UMAD1: variants seen among roughly 807,000 people sequenced by gnomAD.
The protein encoded by UMAD1 is UBAP1-MVB12-associated (UMA) domain containing 1.
UMAD1 carries 8 observed loss-of-function variants against 6.1 expected under a neutral mutation model. That is an observed-to-expected ratio of 1.30 (90% CI 0.76 to 2.35). UMAD1 has a LOEUF of 2.35. Ranked by LOEUF, UMAD1 falls within the 30% of genes most tolerant of loss-of-function variation. The pLI is 0.00. For missense variants in UMAD1, 130 were observed against 78.4 expected (o/e 1.66, Z -2.49); for synonymous variants, 56 against 31.4 (o/e 1.78, Z -2.61).
intron 2 of UMAD1, among the ~76,000 whole-genome samples, chr7:7,779,096 A>G (rs1016732441): frequency 6.6e-6 from 1 of 152,110 alleles, no homozygotes; most frequent in Non-Finnish European, 1.5e-5. Context: ...CACCATTTCT[A>G]TCTCTATATT....
intron 2 of UMAD1, among the ~76,000 whole-genome samples, chr7:7,678,612 TA>T (rs1779817929): frequency 7.5e-6 from 1 of 133,348 alleles, no homozygotes; most frequent in Admixed American, 7.8e-5. Flanking sequence ...TATAGATAAA[TA>T]TATATTTATA....
intron 2 of UMAD1, among the ~76,000 whole-genome samples, chr7:7,778,004 T>C (rs753554098): frequency 6.6e-6 from 1 of 152,222 alleles, no homozygotes; most frequent in Non-Finnish European, 1.5e-5. Context: ...CTGTTTATCC[T>C]TCCCAAGTGG....
intron 1 of UMAD1, chr7:7,641,533 T>A (rs1444777025): frequency 6.6e-6 from 1 of 152,246 alleles, no homozygotes; most frequent in East Asian, 1.9e-4. Context: ...CTTTCTGTCG[T>A]TGCCCTCCAC....
chr7:7,727,742 G>A (rs1228430858), intron 2 of UMAD1, among the ~76,000 whole-genome samples: 1 of 152,142 alleles, frequency 6.6e-6, no homozygotes, highest in Non-Finnish European at 1.5e-5. Context: ...TCTTTCTCCC[G>A]TGCTGGATGC....
intron 3 of UMAD1, among the ~76,000 whole-genome samples, chr7:7,845,734 GC>G (rs1033100063): frequency 6.6e-6 from 1 of 152,034 alleles, no homozygotes; most frequent in African/African-American, 2.4e-5. Flanking sequence ...AACCGTTATG[GC>G]AGCAGAAATA....
At chr7:7,647,937 A>G (rs150937492) in intron 1 of UMAD1, among the ~76,000 whole-genome samples, 1 of 152,204 alleles carries the variant, frequency 6.6e-6, no homozygotes, top group Non-Finnish European at 1.5e-5. Flanking sequence ...GTTGTTTGCT[A>G]CTATTATAGA....
intron 3 of UMAD1, among the ~76,000 whole-genome samples, chr7:7,813,255 G>A (rs1345744315): frequency 2.6e-5 from 4 of 151,966 alleles, no homozygotes; most frequent in African/African-American, 9.7e-5. Context: ...TCGCTCTGTC[G>A]CCCAGGCTGG....
intron 2 of UMAD1, among the ~76,000 whole-genome samples, chr7:7,778,269 T>TGAGAGAGA (rs1356098717): frequency 1.8e-5 from 2 of 111,684 alleles, no homozygotes; most frequent in South Asian, 2.9e-4. Context: ...TGTGTGTGTG[T>TGAGAGAGA]GTGTGTGAGA....
chr7:7,654,227 G>C (rs1785290734), intron 1 of UMAD1, among the ~76,000 whole-genome samples: 3 of 152,106 alleles, frequency 2.0e-5, no homozygotes, highest in African/African-American at 2.4e-5. Flanking sequence ...ATACTTTGAG[G>C]CTCAAATTTA....
At chr7:7,831,807 G>A (rs910692643) in intron 3 of UMAD1, among the ~76,000 whole-genome samples, 7 of 152,166 alleles carry the variant, frequency 4.6e-5, no homozygotes, top group African/African-American at 1.7e-4. Flanking sequence ...TTATAAGCAT[G>A]TGGTATTATT....
intron 2 of UMAD1, chr7:7,742,146 T>C (rs1781482662): frequency 4.6e-6 from 3 of 645,440 alleles, no homozygotes; most frequent in Admixed American, 1.8e-5. Flanking sequence ...CAGTTGAATA[T>C]ATGCCTTCTC....
intron 3 of UMAD1, among the ~76,000 whole-genome samples, chr7:7,870,461 T>G (rs937046517): frequency 1.3e-5 from 2 of 152,220 alleles, no homozygotes; most frequent in African/African-American, 4.8e-5. Context: ...ATTGAGTCTT[T>G]TCTTCTTGCT....
chr7:7,698,310 T>A (rs955408804), intron 2 of UMAD1, among the ~76,000 whole-genome samples: 5 of 152,122 alleles, frequency 3.3e-5, no homozygotes, highest in South Asian at 2.1e-4. Context: ...CTAGAGAAAA[T>A]TTTTTTAGTG....
intron 2 of UMAD1, among the ~76,000 whole-genome samples, chr7:7,727,964 T>G (rs925213530): frequency 1.3e-5 from 2 of 151,350 alleles, no homozygotes; most frequent in Non-Finnish European, 3.0e-5. Flanking sequence ...CTTAATAAAC[T>G]CTTTATATAT....
At chr7:7,787,832 A>G (rs1244503817) in intron 2 of UMAD1, among the ~76,000 whole-genome samples, 2 of 152,230 alleles carry the variant, frequency 1.3e-5, no homozygotes, top group Admixed American at 6.5e-5. Flanking sequence ...TTATGATTGT[A>G]GATCTCTCCT....
intron 1 of UMAD1, among the ~76,000 whole-genome samples, chr7:7,659,342 G>A (rs1785419654): frequency 6.6e-6 from 1 of 151,944 alleles, no homozygotes; most frequent in Admixed American, 6.6e-5. Context: ...CTTGTCTTCT[G>A]CTAGCTTTTG....
At chr7:7,868,481 G>A (rs1273317999) in intron 3 of UMAD1, 1 of 151,684 alleles carries the variant, frequency 6.6e-6, no homozygotes, top group Non-Finnish European at 1.5e-5. Context: ...GAAGTCGGGA[G>A]AACATTTTTT....
intron 2 of UMAD1, among the ~76,000 whole-genome samples, chr7:7,686,917 A>G (rs1759835040): frequency 6.6e-6 from 1 of 152,160 alleles, no homozygotes; most frequent in Non-Finnish European, 1.5e-5. Context: ...CTTATCCTGG[A>G]ATGTGGATAT....
intron 1 of UMAD1, among the ~76,000 whole-genome samples, chr7:7,641,974 G>A (rs1479108567): frequency 1.3e-5 from 2 of 152,228 alleles, no homozygotes; most frequent in African/African-American, 2.4e-5. Context: ...TTAAACAGAT[G>A]TAGAATGTGT....
Sources: allele counts gnomAD v4.1 joint callset (sites outside exome capture counted in the v4.1 genomes callset), GRCh38; gene constraint gnomAD v4.1.1; transcripts MANE v1.5; gene names NCBI Gene and HGNC (gene_info 2026-07-23, HGNC 2026-07-21).